Variants in STK3 observed in about 807,000 individuals in gnomAD.
STK3 encodes serine/threonine kinase 3.
STK3 carries 41 observed loss-of-function variants against 58.0 expected under a neutral mutation model. The observed-to-expected ratio is 0.71, with a 90% confidence interval of 0.55 to 0.92. STK3 has a LOEUF of 0.92. Ranked by LOEUF, STK3 falls within the 40% of genes least tolerant of loss-of-function variation. The pLI, the probability that STK3 is intolerant of heterozygous loss-of-function variation, is 0.00. For missense variants in STK3, 479 were observed against 602.7 expected (o/e 0.79, Z 2.15); for synonymous variants, 170 against 191.0 (o/e 0.89, Z 0.91).
intron 6 of STK3, among the ~76,000 whole-genome samples, chr8:98,604,371 G>T (rs1816606514): frequency 6.6e-6 from 1 of 152,214 alleles, no homozygotes; most frequent in Non-Finnish European, 1.5e-5. Flanking sequence ...GCCCTGCAGG[G>T]TTCAGCCCCT....
At chr8:98,652,140 A>C (rs1166539422) in intron 6 of STK3, among the ~76,000 whole-genome samples, 1 of 152,194 alleles carries the variant, frequency 6.6e-6, no homozygotes, top group African/African-American at 2.4e-5. Flanking sequence ...TCTCTCGGCA[A>C]AACTCTACAA....
At chr8:98,900,655 T>C (rs1385944791) in intron 1 of STK3, among the ~76,000 whole-genome samples, 1 of 151,672 alleles carries the variant, frequency 6.6e-6, no homozygotes, top group Non-Finnish European at 1.5e-5. Flanking sequence ...TAGTTTTATA[T>C]TCTTTTTTTC....
At chr8:98,773,477 G>A (rs1206373649) in intron 2 of STK3, among the ~76,000 whole-genome samples, 1 of 151,576 alleles carries the variant, frequency 6.6e-6, no homozygotes, top group Non-Finnish European at 1.5e-5. Context: ...TATCCTTATA[G>A]GCTATGCACA....
intron 3 of STK3, among the ~76,000 whole-genome samples, chr8:98,412,476 A>G (rs1818067969): frequency 6.6e-6 from 1 of 152,216 alleles, no homozygotes; most frequent in East Asian, 1.9e-4. Context: ...TCTAGTAGCA[A>G]TCAGCTTGTA....
the STK3 span, among the ~76,000 whole-genome samples, chr8:98,365,953 CATTT>C: frequency 6.6e-6 from 1 of 151,918 alleles, no homozygotes. Flanking sequence ...TTGTGGTTTC[CATTT>C]TTTTTTTGTT....
intron 6 of STK3, among the ~76,000 whole-genome samples, chr8:98,611,087 C>T (rs1164403088): frequency 6.6e-6 from 1 of 151,912 alleles, no homozygotes; most frequent in Non-Finnish European, 1.5e-5. Context: ...TGGGTTAAAG[C>T]TAAACAAGCA....
At chr8:98,911,721 A>G (rs890890892) in intron 1 of STK3, among the ~76,000 whole-genome samples, 2 of 152,178 alleles carry the variant, frequency 1.3e-5, no homozygotes, top group African/African-American at 2.4e-5. Context: ...AATACACCAA[A>G]ACAATCGTGT....
chr8:98,853,597 C>T (rs1364955283), intron 3 of STK3, among the ~76,000 whole-genome samples: 1 of 152,186 alleles, frequency 6.6e-6, no homozygotes, highest in Non-Finnish European at 1.5e-5. Context: ...GGGTTGCTGA[C>T]CCCTGACTGC....
Position 98,428,459 on chromosome 8 carries a change from G to A in STK3, n.483+5668C>T. The A allele has an allele frequency of 6.2e-7, 1 of 1,614,166 alleles. No homozygotes were observed. Among genetic ancestry groups the A allele is most frequent in the Non-Finnish European group, 8.5e-7 (1 of 1,180,038 alleles). On this transcript the variant is annotated intron_variant and non_coding_transcript_variant, in intron 3 of 3. Transcript: ENST00000517832. This position sits in a 1 kb window ranked among gnomAD's most constrained non-coding sequence, Gnocchi z 6.7. The stretch of plus-strand genomic sequence containing the variant: ...TTGCCTTCTACAACGACGCCTCCAA[G>A]TTCGATGGGCAGCCCCTCGGCAACT...
intron 10 of STK3, among the ~76,000 whole-genome samples, chr8:98,502,357 A>G (rs1394820590): frequency 6.6e-6 from 1 of 152,162 alleles, no homozygotes; most frequent in African/African-American, 2.4e-5. Context: ...GCAAACAGGG[A>G]CAATTTGACT....
chr8:98,621,150 C>T lies in STK3; in HGVS notation c.685-24981G>A, dbSNP rs541562832. 3.9e-5 allele frequency among the ~76,000 whole-genome samples: 6 copies of T among 152,222 alleles called. No individual in the cohort carries two copies. The East Asian group carries it at 7.7e-4, about 20-fold the overall frequency. On this transcript the variant is annotated intron_variant, in intron 6 of 10. Coordinates refer to ENST00000419617, the MANE Select transcript of STK3 (RefSeq NM_006281.4). The stretch of plus-strand genomic sequence containing the variant: ...GTATTTTTGTATTCACCGTTTTAGC[C>T]GGGATGGTCTCGATCTCCTGACCTC...
intron 9 of STK3, among the ~76,000 whole-genome samples, chr8:98,543,788 T>TCC (rs1810477372): frequency 6.6e-6 from 1 of 152,082 alleles, no homozygotes; most frequent in Non-Finnish European, 1.5e-5. Context: ...CCAGGAAAGT[T>TCC]GAGGGCCCAA....
At chr8:98,771,396 A>G (rs1357273585) in intron 2 of STK3, among the ~76,000 whole-genome samples, 1 of 152,214 alleles carries the variant, frequency 6.6e-6, no homozygotes, top group Non-Finnish European at 1.5e-5. Flanking sequence ...ATAATATGCT[A>G]TGAGTTGGTA....
chr8:98,613,319 A>T (rs532591342), intron 6 of STK3, among the ~76,000 whole-genome samples: 1 of 152,306 alleles, frequency 6.6e-6, no homozygotes, highest in East Asian at 1.9e-4. Flanking sequence ...ACCAAAAATT[A>T]CTCATCAGAC....
rs144611491 is a variant in STK3 at position 98,510,807 on chromosome 8, C to T, written c.1317+15935G>A. Among the ~76,000 whole-genome samples the T allele has an allele frequency of 3.5e-3, 528 of 152,030 alleles. 4 individuals are homozygous for T. The highest frequency in any genetic ancestry group is 0.011 in the African/African-American group (472 of 41,490). On this transcript the variant is annotated intron_variant, in intron 10 of 10. Coordinates refer to ENST00000419617, the MANE Select transcript of STK3 (RefSeq NM_006281.4). ...GACTGTGTTAGACCTTAAAGCCTAA[C>T]GGTGACATAAAATAGGTAAAATAGG... is the stretch of plus-strand genomic sequence containing the variant.
chr8:98,747,838 G>C (rs192639347), intron 4 of STK3, among the ~76,000 whole-genome samples: 14 of 152,226 alleles, frequency 9.2e-5, no homozygotes, highest in Non-Finnish European at 1.6e-4. Context: ...TTGTGTGAGC[G>C]TAACAACTAT....
At chr8:98,808,212 GA>G (rs1347842117) in intron 1 of STK3, among the ~76,000 whole-genome samples, 1 of 152,226 alleles carries the variant, frequency 6.6e-6, no homozygotes, top group East Asian at 1.9e-4. Flanking sequence ...AGAAGTAGCA[GA>G]AAGCATCTGT....
intron 1 of STK3, among the ~76,000 whole-genome samples, chr8:98,890,329 T>C (rs928614495): frequency 1.3e-5 from 2 of 152,216 alleles, no homozygotes; most frequent in Non-Finnish European, 2.9e-5. Context: ...GGAATTTTAC[T>C]CTCGCTTTCG....
intron 3 of STK3, among the ~76,000 whole-genome samples, chr8:98,832,697 AG>A (rs551165300): frequency 6.6e-6 from 1 of 151,644 alleles, no homozygotes; most frequent in African/African-American, 2.4e-5. Flanking sequence ...CCCTTGGCCA[AG>A]GGGGGGTCCA....
Sources: gnomAD v4.1 joint callset for allele counts (sites outside exome capture counted in the v4.1 genomes callset) on GRCh38, gnomAD v4.1.1 for gene constraint, Gnocchi (gnomAD v3.1) non-coding constraint, MANE v1.5 for transcripts, NCBI Gene and HGNC (gene_info 2026-07-23, HGNC 2026-07-21) for gene names.